Variants in QSOX1 observed in about 807,000 individuals in gnomAD.
The protein encoded by QSOX1 is sulfhydryl oxidase 1.
A neutral mutation model predicts 76.1 loss-of-function variants in QSOX1; 40 were observed. The observed-to-expected ratio is 0.53, with a 90% CI of 0.41 to 0.68. The LOEUF (loss-of-function observed/expected upper bound fraction) is 0.68. QSOX1 is among the 30% of genes least tolerant of loss of function. QSOX1 has a pLI of 0.00. For missense variants in QSOX1, 931 were observed against 974.3 expected (o/e 0.96, Z 0.59); for synonymous variants, 392 against 413.1 (o/e 0.95, Z 0.62).
At chr1:180,180,641 A>C (rs1342448675) in intron 5 of QSOX1, among the ~76,000 whole-genome samples, 3 of 152,220 alleles carry the variant, frequency 2.0e-5, no homozygotes, top group Non-Finnish European at 4.4e-5. Flanking sequence ...CAGCCTCCTG[A>C]GTAGCTGGGA....
intron 2 of QSOX1, among the ~76,000 whole-genome samples, chr1:180,169,869 G>T (rs17299589): frequency 0.012 from 1,858 of 152,370 alleles, 15 homozygotes; most frequent in Non-Finnish European, 0.02. Flanking sequence ...ACAGGAGTTT[G>T]CTGGGCTCAC....
At chr1:180,179,806 C>G (rs930860442) in intron 5 of QSOX1, among the ~76,000 whole-genome samples, 1 of 152,260 alleles carries the variant, frequency 6.6e-6, no homozygotes, top group Non-Finnish European at 1.5e-5. Context: ...CAGATGCTGT[C>G]TCCAGGCCTC....
chr1:180,189,828 A>C (rs1219829674), intron 9 of QSOX1, among the ~76,000 whole-genome samples, 154 bp downstream of exon 9: 1 of 152,192 alleles, frequency 6.6e-6, no homozygotes, highest in Non-Finnish European at 1.5e-5. Context: ...ATGACTATTG[A>C]TTGAGCTCTC....
chr1:180,165,719 T>C (rs1662600274), intron 1 of QSOX1, among the ~76,000 whole-genome samples: 1 of 152,252 alleles, frequency 6.6e-6, no homozygotes, highest in South Asian at 2.1e-4. Context: ...GGTGGAACTT[T>C]GGTGGATGCT....
chr1:180,166,586 G>A lies in QSOX1; in HGVS notation c.361G>A (p.Val121Met), dbSNP rs1157004338. The A allele has an allele frequency of 1.9e-6, 3 of 1,613,582 alleles. No individual in the cohort carries two copies. Among genetic ancestry groups the A allele is most frequent in the Non-Finnish European group, 2.5e-6 (3 of 1,179,618 alleles). ...RDFNIPGFPT[V>M]RFFKAFTKNG... ...CTTCAACATCCCTGGCTTCCCGACTGTGAGGGTGTGTGACTGACAGGAGGG... is the reference window on the plus strand; with the variant it reads ...CTTCAACATCCCTGGCTTCCCGACTATGAGGGTGTGTGACTGACAGGAGGG... The change falls in exon 2 of 12, where the codon GTG becomes ATG. Residue 121 changes from valine to methionine, a missense_variant. By Grantham distance (21) the Val-to-Met change is conservative. Coordinates refer to ENST00000367602, the MANE Select transcript of QSOX1 (RefSeq NM_002826.5).
chr1:180,189,755 C>T (rs562444693), intron 9 of QSOX1, 81 bp downstream of exon 9: 1 of 1,476,856 alleles, frequency 6.8e-7, no homozygotes, highest in Non-Finnish European at 9.1e-7. Flanking sequence ...CATTTCTGAC[C>T]TTCTTCGCCA....
rs1316734498 is a variant in QSOX1, at chr1:180,203,720, C to T, written c.*6683C>T. On this transcript the variant is annotated 3_prime_UTR_variant, in exon 12 of 12. Transcript: ENST00000367602. ...ACTAGTTAGGAGTATATTCATATAACAAGTGGCTAAGTGTCAGTTACAGCC... is the reference window on the plus strand; with the variant it reads ...ACTAGTTAGGAGTATATTCATATAATAAGTGGCTAAGTGTCAGTTACAGCC... 6.6e-6 allele frequency: 1 copy of T among 152,154 alleles called. No individual in the cohort carries two copies. Among genetic ancestry groups the T allele is most frequent in the Non-Finnish European group, 1.5e-5 (1 of 68,030 alleles). The allele number at this position is 152,154 out of a possible 1,614,324, so 9.4% of individuals were successfully genotyped here.
chr1:180,176,606 T>G (rs1038615380), intron 4 of QSOX1, among the ~76,000 whole-genome samples: 1 of 152,180 alleles, frequency 6.6e-6, no homozygotes, highest in Admixed American at 6.5e-5. Context: ...CCAGCTTGCC[T>G]CTTTTCCAGG....
At chr1:180,181,297 A>G (rs1220486054) in intron 5 of QSOX1, among the ~76,000 whole-genome samples, 2 of 152,182 alleles carry the variant, frequency 1.3e-5, no homozygotes, top group African/African-American at 2.4e-5. Flanking sequence ...GACGTCAGTA[A>G]CAGAAGTCCG....
rs539761946 is a variant in QSOX1, at chr1:180,166,990, C to T, written c.366+399C>T. The stretch of plus-strand genomic sequence containing the variant: ...TGTCAGGGTAGCCTCACCCCACTGT[C>T]AGAATGTCAGTGCCTCAGGCAGCAG... On this transcript the variant is annotated intron_variant, in intron 2 of 11. Coordinates refer to ENST00000367602, the MANE Select transcript of QSOX1 (RefSeq NM_002826.5). Among the ~76,000 whole-genome samples, 35 of 152,348 alleles carry T rather than the reference C, an allele frequency of 2.3e-4. No homozygotes were observed. The South Asian group carries it at 7.2e-3, about 32-fold the overall frequency.
chr1:180,167,991 AG>A (rs1278355492), intron 2 of QSOX1, among the ~76,000 whole-genome samples: 1 of 152,202 alleles, frequency 6.6e-6, no homozygotes, highest in East Asian at 1.9e-4. Flanking sequence ...TCTCCCAGTG[AG>A]CATGAGCCGC....
At chr1:180,172,250 G>C (rs10798735) in intron 2 of QSOX1, among the ~76,000 whole-genome samples, 4 of 152,190 alleles carry the variant, frequency 2.6e-5, no homozygotes, top group Non-Finnish European at 4.4e-5. Context: ...TAGAAAAGAG[G>C]AATGATGAGA....
At chr1:180,187,872 C>A (rs55881162) in intron 8 of QSOX1, among the ~76,000 whole-genome samples, 3 of 152,232 alleles carry the variant, frequency 2.0e-5, no homozygotes, top group African/African-American at 7.2e-5. Context: ...TTTGCCCGCA[C>A]ATCCCCTGGG....
In QSOX1 at chr1:180,198,279, C is replaced by G. The variant is rs3738112; in HGVS notation, c.*1242C>G. 0.096 allele frequency: 43,941 copies of G among 456,532 alleles called. 3,538 individuals carry two copies. The highest frequency in any genetic ancestry group is 0.47 in the East Asian group (6,679 of 14,336). The allele number at this position is 456,532 out of a possible 1,614,324, so 28.3% of individuals were successfully genotyped here. On this transcript the variant is annotated 3_prime_UTR_variant, in exon 12 of 12. Transcript: ENST00000367602. ...CCCAATCCTCCCTGAGAGCTCCTGC[C>G]TCAGTGCCCTGGGCTGGTGAGGGAG...
intron 9 of QSOX1, among the ~76,000 whole-genome samples, chr1:180,190,118 G>T (rs1663272101): frequency 6.6e-6 from 1 of 152,198 alleles, no homozygotes; most frequent in Non-Finnish European, 1.5e-5. Context: ...GCAAAAGTGG[G>T]TCACTGCAGC....
At chr1:180,164,368 T>TTTTGAC (rs888415991) in intron 1 of QSOX1, among the ~76,000 whole-genome samples, 5 of 152,192 alleles carry the variant, frequency 3.3e-5, no homozygotes, top group Admixed American at 2.6e-4. Context: ...TGCTAAATAC[T>TTTTGAC]TTTGACGTCT....
At chr1:180,170,335 C>A (rs867627462) in intron 2 of QSOX1, among the ~76,000 whole-genome samples, 10 of 152,296 alleles carry the variant, frequency 6.6e-5, no homozygotes, top group Middle Eastern at 6.8e-3. Context: ...GGATAATCCA[C>A]GGTGTTGGAA....
rs539845211 is a variant in QSOX1, at chr1:180,199,095, C to T, written c.*2058C>T. The T allele has an allele frequency of 6.6e-6, 1 of 152,370 alleles. No individual in the cohort carries two copies. Among genetic ancestry groups the T allele is most frequent in the Non-Finnish European group, 1.5e-5 (1 of 68,156 alleles). 9.4% of individuals were successfully genotyped at this position (152,370 alleles called of 1,614,324 possible). A position where few individuals can be genotyped will look rare whatever the true frequency, so the allele number is the denominator to read the frequency against. ...CAGGTCCACGGAGTGGTGTGGACCT[C>T]CCACCTCACAGCTGCCTCTGGCAGC... On this transcript the variant is annotated 3_prime_UTR_variant, in exon 12 of 12. Transcript: ENST00000367602.
intron 4 of QSOX1, among the ~76,000 whole-genome samples, chr1:180,176,687 C>T (rs1483570758): frequency 6.6e-6 from 1 of 152,224 alleles, no homozygotes; most frequent in Non-Finnish European, 1.5e-5. Context: ...ATTAAAAACA[C>T]TAGGCCCCCC....
Sources: allele counts gnomAD v4.1 joint callset (sites outside exome capture counted in the v4.1 genomes callset), GRCh38; gene constraint gnomAD v4.1.1; transcripts MANE v1.5; gene names NCBI Gene and HGNC (gene_info 2026-07-23, HGNC 2026-07-21).